MOB1B: variants seen among roughly 807,000 people sequenced by gnomAD.
MOB1B encodes the protein MOB kinase activator 1B.
A neutral mutation model predicts 24.4 loss-of-function variants in MOB1B; 19 were observed. The observed-to-expected ratio is 0.78, with a 90% CI of 0.54 to 1.14. MOB1B has a LOEUF of 1.14. MOB1B is among the 50% of genes most tolerant of loss of function. MOB1B has a pLI of 0.00. For synonymous variants in MOB1B, 76 were observed against 82.1 expected, an observed-to-expected ratio of 0.93 and a Z score of 0.40; for missense variants, 243 against 259.6, an observed-to-expected ratio of 0.94 and a Z score of 0.44.
At chr4:70,917,246 GTCTTCA>G (rs1323255586) in intron 1 of MOB1B, among the ~76,000 whole-genome samples, 16 of 152,200 alleles carry the variant, frequency 1.1e-4, no homozygotes, top group African/African-American at 3.9e-4. Context: ...CCTACATTGG[GTCTTCA>G]TCTTTTATCT....
At chr4:70,944,895 C>T (rs1003242232) in intron 1 of MOB1B, among the ~76,000 whole-genome samples, 3 of 152,172 alleles carry the variant, frequency 2.0e-5, no homozygotes, top group East Asian at 3.8e-4. Context: ...GATCCAAACA[C>T]CTACCAGCAT....
chr4:70,984,973 G>A lies in MOB1B; in HGVS notation c.*2916G>A, dbSNP rs972018186. ...TGTTAGTCATTTGTAAATTCTAAAT[G>A]GTCACCATAAAATGTATTAGGTAGG... On this transcript the variant is annotated 3_prime_UTR_variant, in exon 6 of 6. Coordinates refer to ENST00000309395, the MANE Select transcript of MOB1B (RefSeq NM_173468.4). 5 of 151,964 alleles carry A rather than the reference G, an allele frequency of 3.3e-5. 1 individual carries two copies. Among genetic ancestry groups the A allele is most frequent in the African/African-American group, 1.2e-4 (5 of 41,332 alleles). 9.4% of individuals were successfully genotyped at this position (151,964 alleles called of 1,614,324 possible).
chr4:70,980,544 C>A (rs1739170271), intron 5 of MOB1B, among the ~76,000 whole-genome samples: 1 of 152,138 alleles, frequency 6.6e-6, no homozygotes, highest in African/African-American at 2.4e-5. Context: ...TACAGTATCA[C>A]TGTTTGATTA....
chr4:70,946,084 C>CTTTTTTT (rs11331194), intron 1 of MOB1B, among the ~76,000 whole-genome samples: 1 of 85,394 alleles, frequency 1.2e-5, no homozygotes, highest in Non-Finnish European at 2.4e-5. Flanking sequence ...TTTGTTTGTT[C>CTTTTTTT]TTTTTTTTTT....
In MOB1B at chr4:70,905,655, G is replaced by A. The variant is rs564012949; in HGVS notation, c.14+3105G>A. The stretch of plus-strand genomic sequence containing the variant: ...CTTGGAAGCTTACTGGGAAGCCTAC[G>A]ATCAGTGGATGGAGCAGAGGAAATA... On this transcript the variant is annotated intron_variant, in intron 1 of 5. Coordinates refer to ENST00000309395, the MANE Select transcript of MOB1B (RefSeq NM_173468.4). Among the ~76,000 whole-genome samples, 20 of 152,246 alleles carry A rather than the reference G, an allele frequency of 1.3e-4. No homozygotes were observed. The South Asian group carries it at 3.9e-3, about 30-fold the overall frequency.
chr4:70,977,685 ATTC>A (rs544743953), intron 4 of MOB1B, among the ~76,000 whole-genome samples: 46 of 151,962 alleles, frequency 3.0e-4, no homozygotes, highest in Non-Finnish European at 5.2e-4. Flanking sequence ...ACAGTATACT[ATTC>A]TTCTTTTAAA....
At chr4:70,981,492 G>A (rs553374307) in intron 5 of MOB1B, among the ~76,000 whole-genome samples, 4 of 152,262 alleles carry the variant, frequency 2.6e-5, no homozygotes, top group East Asian at 1.9e-4. Flanking sequence ...AGCCATATTC[G>A]TGTTATTTTC....
chr4:70,942,538 G>A (rs1737392500), intron 1 of MOB1B, among the ~76,000 whole-genome samples: 1 of 152,078 alleles, frequency 6.6e-6, no homozygotes, highest in Non-Finnish European at 1.5e-5. Context: ...AAAGCTTTCT[G>A]CTAGTCACTG....
intron 4 of MOB1B, chr4:70,976,872 A>G (rs930747467): frequency 6.6e-6 from 1 of 152,476 alleles, no homozygotes; most frequent in East Asian, 1.9e-4. Context: ...TCCAATTTCA[A>G]ACATTTAGAA....
At chr4:70,904,325 C>T (rs555846934) in intron 1 of MOB1B, among the ~76,000 whole-genome samples, 87 of 152,034 alleles carry the variant, frequency 5.7e-4, no homozygotes, top group African/African-American at 2.0e-3. Flanking sequence ...TCAGGTATCT[C>T]AACTTGAAGC....
chr4:70,964,071 A>C (rs1225624147), intron 2 of MOB1B, among the ~76,000 whole-genome samples: 1 of 152,238 alleles, frequency 6.6e-6, no homozygotes, highest in Non-Finnish European at 1.5e-5. Flanking sequence ...ATTCCCAAAT[A>C]GTATATAAAA....
intron 2 of MOB1B, among the ~76,000 whole-genome samples, chr4:70,961,919 AAAT>A (rs1224608428): frequency 6.6e-6 from 1 of 152,196 alleles, no homozygotes; most frequent in African/African-American, 2.4e-5. Context: ...GAATAATAAA[AAAT>A]AATCCTGAAG....
chr4:70,910,260 C>T (rs921573423), intron 1 of MOB1B, among the ~76,000 whole-genome samples: 1 of 151,930 alleles, frequency 6.6e-6, no homozygotes, highest in Non-Finnish European at 1.5e-5. Context: ...AGGCTGGTCT[C>T]GAACTCCTGG....
intron 4 of MOB1B, among the ~76,000 whole-genome samples, chr4:70,978,467 T>C (rs935880277): frequency 5.9e-5 from 9 of 152,152 alleles, no homozygotes; most frequent in Admixed American, 2.6e-4. Flanking sequence ...CTGGGTCATA[T>C]GGTATTCTAT....
exon 1 of MOB1B, chr4:70,902,360 CCCCCTGCCATT>C: frequency 1.4e-6 from 1 of 700,300 alleles, no homozygotes; most frequent in Non-Finnish European, 2.6e-6. Context: ...TCCGCCCCCT[CCCCCTGCCATT>C]GGAACTAGCT....
At chr4:70,902,237 G>C (rs142923412), upstream of MOB1B, 4 of 547,816 alleles carry the variant, frequency 7.3e-6, no homozygotes, top group Non-Finnish European at 3.3e-6. Flanking sequence ...CCGCTATCGC[G>C]AGAGCTCGTG....
At chr4:70,940,242 A>G (rs1438844267) in intron 1 of MOB1B, among the ~76,000 whole-genome samples, 1 of 152,172 alleles carries the variant, frequency 6.6e-6, no homozygotes, top group Non-Finnish European at 1.5e-5. Flanking sequence ...GCATAAAGGC[A>G]GGAGTGCCTG....
At chr4:70,953,668 C>G (rs571921332) in intron 1 of MOB1B, among the ~76,000 whole-genome samples, 65 of 152,308 alleles carry the variant, frequency 4.3e-4, no homozygotes, top group African/African-American at 1.5e-3. Flanking sequence ...GCAGGCTGGG[C>G]ATGATGGCTC....
intron 1 of MOB1B, among the ~76,000 whole-genome samples, chr4:70,936,076 C>T (rs1050572548): frequency 6.6e-6 from 1 of 152,116 alleles, no homozygotes; most frequent in Admixed American, 6.5e-5. Context: ...TGGTCTCGAT[C>T]TCCTGACCTC....
Sources: allele counts gnomAD v4.1 joint callset (sites outside exome capture counted in the v4.1 genomes callset), GRCh38; gene constraint gnomAD v4.1.1; transcripts MANE v1.5; gene names NCBI Gene and HGNC (gene_info 2026-07-23, HGNC 2026-07-21).